Variants in TEAD1 observed in about 807,000 individuals in gnomAD.
TEAD1 encodes TEA domain transcription factor 1, also known as transcriptional enhancer factor TEF-1.
In TEAD1, 9 loss-of-function variants were observed where a neutral mutation model predicts 54.9. The ratio of observed to expected loss-of-function variants is 0.16; its 90% CI spans 0.10 to 0.29. The LOEUF is 0.29. Ranked by LOEUF, TEAD1 falls within the 10% of genes least tolerant of loss-of-function variation. The pLI is 1.00. For synonymous variants in TEAD1, 200 were observed against 187.8 expected (o/e 1.07, Z -0.53); for missense variants, 387 against 535.9 (o/e 0.72, Z 2.74).
chr11:12,769,488 T>C (rs1277440040), intron 3 of TEAD1, among the ~76,000 whole-genome samples: 1 of 152,158 alleles, frequency 6.6e-6, no homozygotes, highest in Admixed American at 6.5e-5. Context: ...TACACTCCTC[T>C]GGATGCAGAG....
chr11:12,704,412 A>G (rs933573981), intron 2 of TEAD1, among the ~76,000 whole-genome samples: 14 of 152,186 alleles, frequency 9.2e-5, no homozygotes. Context: ...TGTCTCAGCC[A>G]CTTGCAGCAG....
intron 3 of TEAD1, among the ~76,000 whole-genome samples, chr11:12,812,132 T>TGTCTTTATG (rs1213376450): frequency 1.3e-5 from 2 of 152,110 alleles, no homozygotes; most frequent in Non-Finnish European, 2.9e-5. Context: ...TCAGAAACAC[T>TGTCTTTATG]GTCTTTATGA....
chr11:12,861,984 CTTT>C (rs72145575), intron 3 of TEAD1, among the ~76,000 whole-genome samples: 2,802 of 124,350 alleles, frequency 0.023, 95 homozygotes, highest in African/African-American at 0.071. Flanking sequence ...GAAACTCTGT[CTTT>C]TTTTTTTTTT....
intron 2 of TEAD1, among the ~76,000 whole-genome samples, chr11:12,696,860 C>T (rs1368811147): frequency 6.6e-6 from 1 of 152,032 alleles, no homozygotes; most frequent in Admixed American, 6.5e-5. Flanking sequence ...CTGTGCTCTC[C>T]TGTGTATTGG....
chr11:12,685,452 A>G (rs1009792848), intron 2 of TEAD1, among the ~76,000 whole-genome samples: 1 of 152,210 alleles, frequency 6.6e-6, no homozygotes, highest in Non-Finnish European at 1.5e-5. Context: ...CCCTGGATCT[A>G]GTCACCACAC....
intron 2 of TEAD1, among the ~76,000 whole-genome samples, chr11:12,700,094 A>T (rs1943665035): frequency 1.3e-5 from 2 of 152,190 alleles, no homozygotes; most frequent in South Asian, 4.1e-4. Context: ...TTCTGGTATT[A>T]ATTTTTCTTT....
intron 3 of TEAD1, among the ~76,000 whole-genome samples, chr11:12,793,014 T>TGA (rs150675395): frequency 0.034 from 5,213 of 152,254 alleles, 320 homozygotes; most frequent in African/African-American, 0.12. Flanking sequence ...CTCACACCTG[T>TGA]ATAGCCACCT....
chr11:12,796,593 C>T (rs1378450651), intron 3 of TEAD1, among the ~76,000 whole-genome samples: 1 of 151,878 alleles, frequency 6.6e-6, no homozygotes, highest in East Asian at 1.9e-4. Flanking sequence ...GGTGTGATGT[C>T]ACACACCTGT....
intron 3 of TEAD1, among the ~76,000 whole-genome samples, chr11:12,835,948 C>T (rs1946880660): frequency 6.6e-6 from 1 of 151,904 alleles, no homozygotes; most frequent in Non-Finnish European, 1.5e-5. Flanking sequence ...AATAATGTGG[C>T]GTATATTTCA....
chr11:12,879,121 G>T (rs1014741496), intron 5 of TEAD1, among the ~76,000 whole-genome samples: 2 of 152,182 alleles, frequency 1.3e-5, no homozygotes, highest in Admixed American at 6.5e-5. Flanking sequence ...CACCCCGCCA[G>T]CATGCTGCTT....
At chr11:12,815,900 A>G (rs905813238) in intron 3 of TEAD1, among the ~76,000 whole-genome samples, 6 of 152,238 alleles carry the variant, frequency 3.9e-5, no homozygotes, top group African/African-American at 1.4e-4. Flanking sequence ...GAAAGAAGGA[A>G]GAGCCAGCAA....
intron 3 of TEAD1, among the ~76,000 whole-genome samples, chr11:12,857,750 T>C (rs1947420028): frequency 6.6e-6 from 1 of 152,050 alleles, no homozygotes. Context: ...TCCAGGGCTG[T>C]GGAATCTGTG....
At chr11:12,811,927 AAACAGGCTC>A (rs1428727683) in intron 3 of TEAD1, among the ~76,000 whole-genome samples, 4 of 152,018 alleles carry the variant, frequency 2.6e-5, no homozygotes, top group Non-Finnish European at 5.9e-5. Flanking sequence ...AACTTCTCCC[AAACAGGCTC>A]AGCCACACCG....
chr11:12,707,438 G>A lies in TEAD1; in HGVS notation c.-55+31877G>A, dbSNP rs142076133. ...TGGCACTTGAATTAGTTTTCACAAA[G>A]TCTGTGCACCAGAGCTTAACTACCT... On this transcript the variant is annotated intron_variant, in intron 2 of 12. Coordinates refer to ENST00000527636, the MANE Select transcript of TEAD1 (RefSeq NM_021961.6). Among the ~76,000 whole-genome samples the A allele has an allele frequency of 9.8e-5, 15 of 152,316 alleles. No individual in the cohort carries two copies. The East Asian group carries it at 1.3e-3, about 14-fold the overall frequency.
chr11:12,825,887 A>G (rs1298121449), intron 3 of TEAD1, among the ~76,000 whole-genome samples: 3 of 152,352 alleles, frequency 2.0e-5, no homozygotes, highest in Middle Eastern at 3.4e-3. Context: ...TGATTTCTCT[A>G]CAGAGGTACC....
intron 10 of TEAD1, among the ~76,000 whole-genome samples, chr11:12,912,021 G>T (rs1356095332): frequency 2.0e-5 from 3 of 151,798 alleles, no homozygotes; most frequent in Non-Finnish European, 4.4e-5. Flanking sequence ...TAAAGAAATT[G>T]CTGTGCATTG....
intron 5 of TEAD1, among the ~76,000 whole-genome samples, chr11:12,872,579 A>G (rs938552604): frequency 1.3e-5 from 2 of 152,252 alleles, no homozygotes; most frequent in South Asian, 4.1e-4. Flanking sequence ...TGATGGAGAA[A>G]TTAATGATGG....
intron 3 of TEAD1, among the ~76,000 whole-genome samples, chr11:12,843,469 A>C (rs1202339617): frequency 6.6e-6 from 1 of 152,230 alleles, no homozygotes; most frequent in African/African-American, 2.4e-5. Flanking sequence ...GAAGTAAGTA[A>C]TTACAATGCG....
intron 10 of TEAD1, among the ~76,000 whole-genome samples, chr11:12,921,465 A>G (rs1948804532): frequency 6.7e-6 from 1 of 150,014 alleles, no homozygotes; most frequent in African/African-American, 2.5e-5. Flanking sequence ...GCTCAAACCC[A>G]GGAGGCAGAG....
Sources: gnomAD v4.1 joint callset for allele counts (sites outside exome capture counted in the v4.1 genomes callset) on GRCh38, gnomAD v4.1.1 for gene constraint, MANE v1.5 for transcripts, NCBI Gene and HGNC (gene_info 2026-07-23, HGNC 2026-07-21) for gene names.